The following AGBL1 variants were observed in gnomAD, a reference collection of about 807,000 sequenced individuals.
AGBL1 encodes the protein AGBL carboxypeptidase 1.
AGBL1 carries 130 observed loss-of-function variants against 118.9 expected under a neutral mutation model. That is an observed-to-expected ratio of 1.09 (90% CI 0.95 to 1.26). AGBL1 has a LOEUF of 1.26. Among genes scored for constraint, AGBL1 ranks in the 50% most tolerant of loss-of-function variants. The pLI, the probability that AGBL1 is intolerant of heterozygous loss-of-function variation, is 0.00. For synonymous variants in AGBL1, 555 were observed against 478.9 expected (o/e 1.16, Z -2.08); for missense variants, 1,584 against 1,298.1 (o/e 1.22, Z -3.38).
At chr15:86,724,153 G>A (rs527643505) in intron 22 of AGBL1, among the ~76,000 whole-genome samples, 50 of 143,380 alleles carry the variant, frequency 3.5e-4, no homozygotes, top group Non-Finnish European at 5.4e-4. Context: ...GGAGAATGGC[G>A]TGAATCCGGG....
intron 22 of AGBL1, among the ~76,000 whole-genome samples, chr15:86,760,255 T>C (rs1349728486): frequency 6.6e-6 from 1 of 152,046 alleles, no homozygotes; most frequent in East Asian, 1.9e-4. Flanking sequence ...TGTTCCTGGC[T>C]AATAAAACTG....
chr15:86,140,667 T>A (rs761627575), intron 1 of AGBL1, among the ~76,000 whole-genome samples: 14 of 151,924 alleles, frequency 9.2e-5, no homozygotes, highest in Non-Finnish European at 1.8e-4. Context: ...CAGACCCAGC[T>A]TGGGGGTTGG....
intron 5 of AGBL1, among the ~76,000 whole-genome samples, chr15:86,216,228 C>A (rs2078186211): frequency 7.9e-6 from 1 of 126,020 alleles, no homozygotes; most frequent in Non-Finnish European, 1.7e-5. Flanking sequence ...AAACTACATG[C>A]CATTTATTTA....
In AGBL1 at chr15:86,102,006, C is replaced by T. The variant is rs565164970; in HGVS notation, c.51+21983C>T. Among the ~76,000 whole-genome samples the T allele has an allele frequency of 2.0e-5, 3 of 150,112 alleles. No individual in the cohort carries two copies. The East Asian group carries it at 5.8e-4, about 29-fold the overall frequency. ...TCATTGTGGTTTGGTGGTTTTCTGTCGCAGTAACATTTGAATCCTTTCTCT... is the reference window on the plus strand; with the variant it reads ...TCATTGTGGTTTGGTGGTTTTCTGTTGCAGTAACATTTGAATCCTTTCTCT... On this transcript the variant is annotated intron_variant, in intron 1 of 22. Transcript: ENST00000614907.
At chr15:86,434,914 T>C (rs963202427) in intron 18 of AGBL1, among the ~76,000 whole-genome samples, 3 of 152,208 alleles carry the variant, frequency 2.0e-5, no homozygotes, top group Non-Finnish European at 2.9e-5. Flanking sequence ...TTATATCCTA[T>C]TGTTCTGAAG....
intron 6 of AGBL1, 63 bp downstream of exon 6, chr15:86,225,014 C>A: frequency 1.4e-6 from 2 of 1,467,068 alleles, no homozygotes; most frequent in Non-Finnish European, 1.9e-6. Flanking sequence ...AAGATACTTT[C>A]TGGTCCCCAT....
chr15:86,192,667 A>G (rs928733195), intron 5 of AGBL1, among the ~76,000 whole-genome samples: 3 of 152,216 alleles, frequency 2.0e-5, no homozygotes, highest in African/African-American at 7.2e-5. Context: ...TTCTAATGCT[A>G]AAAGATTAGA....
chr15:86,780,581 T>A (rs542882938), intron 22 of AGBL1, among the ~76,000 whole-genome samples: 1 of 152,176 alleles, frequency 6.6e-6, no homozygotes, highest in Non-Finnish European at 1.5e-5. Flanking sequence ...GGGGAAGATT[T>A]GGAATTTGAC....
At chr15:86,791,747 TA>T (rs2078496796) in intron 22 of AGBL1, among the ~76,000 whole-genome samples, 3 of 149,982 alleles carry the variant, frequency 2.0e-5, no homozygotes, top group Admixed American at 6.7e-5. Context: ...TATATATATA[TA>T]TATTTTGAGA....
chr15:86,449,819 C>T (rs78193380), intron 18 of AGBL1, among the ~76,000 whole-genome samples: 43 of 152,264 alleles, frequency 2.8e-4, no homozygotes, highest in South Asian at 6.2e-4. Flanking sequence ...GACTGAGGAA[C>T]GGCATGTCCA....
At chr15:86,796,137 T>C (rs2078567341) in intron 22 of AGBL1, among the ~76,000 whole-genome samples, 1 of 152,152 alleles carries the variant, frequency 6.6e-6, no homozygotes, top group African/African-American at 2.4e-5. Context: ...TGAATGCTTT[T>C]CTCAAGGTCA....
chr15:86,927,337 C>T (rs1353070667), intron 23 of AGBL1, among the ~76,000 whole-genome samples: 2 of 151,780 alleles, frequency 1.3e-5, no homozygotes, highest in Non-Finnish European at 2.9e-5. Flanking sequence ...TCCTGGAAGC[C>T]CAGCACTTTG....
intron 24 of AGBL1, among the ~76,000 whole-genome samples, chr15:87,002,146 A>C (rs1182446637): frequency 6.6e-6 from 1 of 151,984 alleles, no homozygotes; most frequent in East Asian, 1.9e-4. Flanking sequence ...ATCTTGAATT[A>C]ATTTTTGTAT....
intron 23 of AGBL1, among the ~76,000 whole-genome samples, chr15:86,976,040 A>T (rs1424973843): frequency 6.6e-6 from 1 of 152,048 alleles, no homozygotes; most frequent in Non-Finnish European, 1.5e-5. Flanking sequence ...TATACTTTAA[A>T]ATTATTATGT....
At chr15:86,197,040 C>G (rs1445031633) in intron 5 of AGBL1, among the ~76,000 whole-genome samples, 1 of 152,150 alleles carries the variant, frequency 6.6e-6, no homozygotes, top group Admixed American at 6.6e-5. Context: ...TGAAAAAACA[C>G]ATTTCTGTTG....
At chr15:86,788,356 T>C (rs1029589905) in intron 22 of AGBL1, among the ~76,000 whole-genome samples, 1 of 152,246 alleles carries the variant, frequency 6.6e-6, no homozygotes, top group Non-Finnish European at 1.5e-5. Context: ...GCTAGTATTA[T>C]ACACATGAAG....
chr15:86,850,474 A>G (rs1004790043), intron 22 of AGBL1, among the ~76,000 whole-genome samples: 1 of 152,118 alleles, frequency 6.6e-6, no homozygotes, highest in Non-Finnish European at 1.5e-5. Context: ...CAAGTACCCA[A>G]TCGTCCTCAC....
intron 16 of AGBL1, among the ~76,000 whole-genome samples, chr15:86,288,829 C>G (rs1045217158): frequency 3.9e-5 from 6 of 152,012 alleles, no homozygotes; most frequent in African/African-American, 1.4e-4. Context: ...AATTTTTTCT[C>G]TTTCTGCTGT....
At chr15:86,500,784 G>A (rs2082909060) in intron 18 of AGBL1, among the ~76,000 whole-genome samples, 1 of 151,686 alleles carries the variant, frequency 6.6e-6, no homozygotes, top group Non-Finnish European at 1.5e-5. Flanking sequence ...CTTTCACTCA[G>A]CACAAGGTTT....
Sources: gnomAD v4.1 joint callset for allele counts (sites outside exome capture counted in the v4.1 genomes callset) on GRCh38, gnomAD v4.1.1 for gene constraint, MANE v1.5 for transcripts, NCBI Gene and HGNC (gene_info 2026-07-23, HGNC 2026-07-21) for gene names.